The following CDH13 variants were observed in gnomAD, a reference collection of about 807,000 sequenced individuals.
CDH13 encodes cadherin-13.
A neutral mutation model predicts 63.8 loss-of-function variants in CDH13; 24 were observed. The ratio of observed to expected loss-of-function variants is 0.38; its 90% CI spans 0.27 to 0.53. The LOEUF is 0.53. Ranked by LOEUF, CDH13 falls within the 20% of genes least tolerant of loss-of-function variation. The probability of loss-of-function intolerance (pLI) is 0.85; values close to 1 mark genes in which losing one functional copy is unlikely to be tolerated. For missense variants in CDH13, 1,049 were observed against 903.1 expected (o/e 1.16, Z -2.07); for synonymous variants, 503 against 355.3 (o/e 1.42, Z -4.67).
At chr16:83,791,924 G>A (rs562130362) in intron 13 of CDH13, among the ~76,000 whole-genome samples, 7 of 151,894 alleles carry the variant, frequency 4.6e-5, no homozygotes, top group Non-Finnish European at 1.0e-4. Flanking sequence ...CGTTGCAAGT[G>A]TACAGTTTGA....
intron 1 of CDH13, among the ~76,000 whole-genome samples, chr16:82,643,388 C>G (rs1296960951): frequency 6.6e-6 from 1 of 152,112 alleles, no homozygotes; most frequent in African/African-American, 2.4e-5. Context: ...TCAAAAGATC[C>G]CCATTGTCCA....
At chr16:83,361,247 G>A (rs113945101) in intron 6 of CDH13, among the ~76,000 whole-genome samples, 3 of 152,152 alleles carry the variant, frequency 2.0e-5, no homozygotes, top group African/African-American at 4.8e-5. Context: ...AGAAGTGTCT[G>A]TTCATGCCTT....
At chr16:83,134,312 C>T (rs1222269353) in intron 4 of CDH13, among the ~76,000 whole-genome samples, 1 of 152,122 alleles carries the variant, frequency 6.6e-6, no homozygotes, top group African/African-American at 2.4e-5. Context: ...GCCTCAGCTT[C>T]CCAAGTAACT....
rs1288504014 is a variant in CDH13 at position 83,359,545 on chromosome 16, G to A, written c.781+14539G>A. On this transcript the variant is annotated intron_variant, in intron 6 of 13. Coordinates refer to ENST00000567109, the MANE Select transcript of CDH13 (RefSeq NM_001257.5). ...CTAGTCCTGGCTCCTTCTCTTATCA[G>A]CTGTGTTAATTTGAGCCTCTATTTC... 2.6e-5 allele frequency among the ~76,000 whole-genome samples: 4 copies of A among 152,144 alleles called. No individual in the cohort carries two copies. The East Asian group carries it at 5.8e-4, about 22-fold the overall frequency.
rs562869341 is a variant in CDH13, at chr16:82,929,746, G to T, written c.157+71273G>T. On this transcript the variant is annotated intron_variant, in intron 2 of 13. Coordinates refer to ENST00000567109, the MANE Select transcript of CDH13 (RefSeq NM_001257.5). ...CAGACACCAAACTTGCTGGTGCCTT[G>T]ATCTTGTACTTCCACCTCCAGAGCT... Among the ~76,000 whole-genome samples, 5 of 145,708 alleles carry T rather than the reference G, an allele frequency of 3.4e-5. No individual in the cohort carries two copies. The South Asian group carries it at 1.1e-3, about 33-fold the overall frequency.
intron 1 of CDH13, among the ~76,000 whole-genome samples, chr16:82,844,955 A>G (rs1300232873): frequency 6.6e-6 from 1 of 151,992 alleles, no homozygotes; most frequent in African/African-American, 2.4e-5. Context: ...GCACCTGGCC[A>G]ATAAAGTATT....
At chr16:83,174,454 C>A (rs1459688795) in intron 4 of CDH13, among the ~76,000 whole-genome samples, 1 of 151,946 alleles carries the variant, frequency 6.6e-6, no homozygotes, top group Non-Finnish European at 1.5e-5. Flanking sequence ...AAGACCGAAG[C>A]AAATGACCAC....
intron 5 of CDH13, among the ~76,000 whole-genome samples, chr16:83,333,096 T>C (rs961185568): frequency 1.3e-5 from 2 of 152,102 alleles, no homozygotes; most frequent in African/African-American, 4.8e-5. Flanking sequence ...ACATCCAGTC[T>C]GTCAAGCGGG....
chr16:82,655,583 C>T (rs922515182), intron 1 of CDH13, among the ~76,000 whole-genome samples: 1 of 151,880 alleles, frequency 6.6e-6, no homozygotes, highest in Non-Finnish European at 1.5e-5. Context: ...GATGGGAAAC[C>T]ACTGGTGGGG....
intron 7 of CDH13, among the ~76,000 whole-genome samples, chr16:83,597,200 G>A (rs757074904): frequency 2.0e-5 from 3 of 147,684 alleles, no homozygotes; most frequent in Non-Finnish European, 4.4e-5. Context: ...TCCAGCCTGG[G>A]TGACAGAGCA....
intron 2 of CDH13, among the ~76,000 whole-genome samples, chr16:82,971,108 C>G (rs977967697): frequency 1.3e-5 from 2 of 152,202 alleles, no homozygotes; most frequent in Admixed American, 1.3e-4. Context: ...AGCCAGGCCT[C>G]AACCAAAGAC....
chr16:83,792,014 C>A (rs764467177), intron 13 of CDH13, among the ~76,000 whole-genome samples: 36 of 152,244 alleles, frequency 2.4e-4, no homozygotes, highest in Non-Finnish European at 4.4e-4. Flanking sequence ...CCCCTTTCCG[C>A]AATCCAGGCT....
chr16:83,080,871 G>GTTT lies in CDH13; in HGVS notation c.367-44489_367-44487dup, dbSNP rs71148809. ...AGATAGAGTTTTGTTTTGTTTTTGT[G>GTTT]TTTTTTTTTTTTTTTTTTTTTTTTT... On this transcript the variant is annotated intron_variant, in intron 3 of 13. Coordinates refer to ENST00000567109, the MANE Select transcript of CDH13 (RefSeq NM_001257.5). Among the ~76,000 whole-genome samples the GTTT allele has an allele frequency of 5.4e-3, 253 of 46,946 alleles. 53 individuals carry two copies. The highest frequency in any genetic ancestry group is 0.01 in the South Asian group (8 of 762). 30.8% of individuals were successfully genotyped at this position (46,946 alleles called of 152,430 possible). A position where few individuals can be genotyped will look rare whatever the true frequency, so the allele number is the denominator to read the frequency against.
chr16:82,840,667 G>A lies in CDH13; in HGVS notation c.46-17695G>A, dbSNP rs113730278. On this transcript the variant is annotated intron_variant, in intron 1 of 13. Transcript: ENST00000567109. ...CCCACTGCACTGCAGCCTGGGTGAT[G>A]GAGTGAGAATCCATCTCAAAAAAAA... 9.5e-3 allele frequency among the ~76,000 whole-genome samples: 1,400 copies of A among 147,444 alleles called. 24 individuals carry two copies. Among genetic ancestry groups the A allele is most frequent in the African/African-American group, 0.032 (1,281 of 40,010 alleles).
At chr16:83,043,424 T>C (rs1477421256) in intron 3 of CDH13, among the ~76,000 whole-genome samples, 3 of 152,182 alleles carry the variant, frequency 2.0e-5, no homozygotes, top group Admixed American at 1.3e-4. Flanking sequence ...AGTTTTCTTA[T>C]AGTCATGTTA....
chr16:82,807,088 CTT>C (rs11327303), intron 1 of CDH13, among the ~76,000 whole-genome samples: 3,567 of 139,234 alleles, frequency 0.026, 58 homozygotes, highest in Non-Finnish European at 0.042. Flanking sequence ...GGGATCATGC[CTT>C]TTTTTTTTTT....
At chr16:83,023,422 C>T (rs1014685759) in intron 2 of CDH13, among the ~76,000 whole-genome samples, 1 of 152,038 alleles carries the variant, frequency 6.6e-6, no homozygotes, top group Admixed American at 6.6e-5. Flanking sequence ...TTTTGCCTTC[C>T]AGAAGTTATT....
intron 8 of CDH13, among the ~76,000 whole-genome samples, chr16:83,651,246 C>G (rs1046721467): frequency 6.6e-6 from 1 of 152,106 alleles, no homozygotes; most frequent in Non-Finnish European, 1.5e-5. Context: ...AAAAAGTTCC[C>G]AAAAGAACAA....
intron 6 of CDH13, among the ~76,000 whole-genome samples, chr16:83,368,155 A>G (rs929634104): frequency 6.6e-6 from 1 of 152,228 alleles, no homozygotes; most frequent in East Asian, 1.9e-4. Flanking sequence ...CTCTTTTAAC[A>G]TAGACATTAT....
Sources: allele counts gnomAD v4.1 joint callset (sites outside exome capture counted in the v4.1 genomes callset), GRCh38; gene constraint gnomAD v4.1.1; transcripts MANE v1.5; gene names NCBI Gene and HGNC (gene_info 2026-07-23, HGNC 2026-07-21).